FHDC1: variants seen among roughly 807,000 people sequenced by gnomAD.
FHDC1 encodes FH2 domain containing 1, also known as FH2 domain-containing protein 1.
FHDC1 carries 25 observed loss-of-function variants against 52.6 expected under a neutral mutation model. That is an observed-to-expected ratio of 0.48 (90% CI 0.35 to 0.66). The LOEUF (loss-of-function observed/expected upper bound fraction) is 0.66, where lower values mean the gene tolerates loss of function less well. Ranked by LOEUF, FHDC1 falls within the 30% of genes least tolerant of loss-of-function variation. FHDC1 has a pLI of 0.01. For missense variants in FHDC1, 1,459 were observed against 1,452.8 expected (o/e 1.00, Z -0.07); for synonymous variants, 616 against 581.5 (o/e 1.06, Z -0.85).
At chr4:152,962,981 G>A (rs1740328807) in intron 7 of FHDC1, 42 bp from the exon 8 acceptor site, 3 of 1,437,578 alleles carry the variant, frequency 2.1e-6, no homozygotes, top group Non-Finnish European at 1.9e-6. Flanking sequence ...GTGTGTGTGT[G>A]TATGTATACA....
chr4:152,960,594 C>G lies in FHDC1; in HGVS notation c.693C>G (p.Asp231Glu). Residue 231 changes from aspartate (D) to glutamate (E), a missense_variant, in exon 5 of 12, where the codon GAC becomes GAG. Physicochemically the swap from Asp to Glu is conservative, Grantham distance 45. This residue lies in a region of FHDC1 where 513 missense variants were observed against 581.5 expected (regional missense o/e 0.88). Transcript: ENST00000511601. ...EVKKLKAFSGDVSKLSLADSF... is the reference protein window; with the variant it reads ...EVKKLKAFSGEVSKLSLADSF... ...AGAAGTTAAAAGCGTTTAGTGGCGA[C>G]GTGTCGAAGCTGTCTCTGGCAGATT... 6.2e-7 allele frequency: 1 copy of G among 1,614,076 alleles called. No homozygotes were observed. The highest frequency in any genetic ancestry group is 8.5e-7 in the Non-Finnish European group (1 of 1,180,012).
the FHDC1 span, among the ~76,000 whole-genome samples, chr4:152,920,965 C>G: frequency 6.6e-6 from 1 of 151,918 alleles, no homozygotes; most frequent in African/African-American, 2.4e-5. Context: ...ATGACTTACA[C>G]AGACCATTCA....
chr4:152,920,197 T>C, the FHDC1 span, among the ~76,000 whole-genome samples: 5 of 152,072 alleles, frequency 3.3e-5, no homozygotes, highest in Admixed American at 2.0e-4. Flanking sequence ...TCCACCCCCA[T>C]TGGCCTCCCA....
chr4:152,921,582 C>G, the FHDC1 span, among the ~76,000 whole-genome samples: 1 of 141,384 alleles, frequency 7.1e-6, no homozygotes, highest in Non-Finnish European at 1.6e-5. Context: ...TCCTTCCTTC[C>G]TTCCTCCCTC....
At position 152,963,128 on chromosome 4, in the gene FHDC1, C is replaced by T. The variant is rs1284961989; in HGVS notation, c.1027C>T (p.Gln343Ter). 3.1e-6 allele frequency: 5 copies of T among 1,613,358 alleles called. No individual in the cohort carries two copies. The highest frequency in any genetic ancestry group is 2.2e-5 in the East Asian group (1 of 44,882). ...GATGAATCTCCTGCACTTTGTTGCA[C>T]AGGTATGTGGAAATGATTAGGACTT... is the stretch of plus-strand genomic sequence containing the variant. Reference protein sequence around the residue: ...PGMNLLHFVAQEAQKKDTILL... With the variant: ...PGMNLLHFVA The change falls in exon 8 of 12, where the codon CAG becomes TAG. Residue 343 changes from glutamine to a stop codon, truncating the protein, a stop_gained and splice_region_variant. Transcript: ENST00000511601. LOFTEE classifies it high-confidence loss of function.
At chr4:152,969,547 T>C (rs1208623536) in intron 10 of FHDC1, among the ~76,000 whole-genome samples, 1 of 152,162 alleles carries the variant, frequency 6.6e-6, no homozygotes, top group Non-Finnish European at 1.5e-5. Context: ...TATTACCATC[T>C]CAGTCAATAT....
upstream of FHDC1, among the ~76,000 whole-genome samples, chr4:152,932,182 G>C (rs1434306999): frequency 6.6e-6 from 1 of 151,758 alleles, no homozygotes; most frequent in Non-Finnish European, 1.5e-5. Flanking sequence ...TCAGAAGTTA[G>C]AGACCAGCCT....
At chr4:152,938,156 C>T (rs913517140) in intron 1 of FHDC1, among the ~76,000 whole-genome samples, 1 of 151,928 alleles carries the variant, frequency 6.6e-6, no homozygotes, top group Non-Finnish European at 1.5e-5. Flanking sequence ...GCGCTCCCTT[C>T]CCTCTCTCTA....
chr4:152,974,970 G>T lies in FHDC1; in HGVS notation c.1679G>T (p.Gly560Val). The T allele has an allele frequency of 6.2e-7, 1 of 1,612,450 alleles. No individual in the cohort carries two copies. Among genetic ancestry groups the T allele is most frequent in the Non-Finnish European group, 8.5e-7 (1 of 1,179,818 alleles). The change falls in exon 12 of 12, where the codon GGC becomes GTC. Residue 560 changes from glycine (G) to valine (V), a missense_variant. Gly to Val is a moderately radical substitution (Grantham distance 109). Transcript: ENST00000511601. Reference sequence around the variant, plus strand: ...CTGACCTTCTTGGAGAGCTCCACCGGCAGCCCTGAGGAGCCCAATAAGTTC... The same window carrying T: ...CTGACCTTCTTGGAGAGCTCCACCGTCAGCCCTGAGGAGCCCAATAAGTTC... The part of the protein sequence containing the change: ...ELLTFLESST[G>V]SPEEPNKFHS...
chr4:152,975,528 C>G lies in FHDC1; in HGVS notation c.2237C>G (p.Pro746Arg). Residue 746 changes from proline (P) to arginine (R), a missense_variant, in exon 12 of 12, where the codon CCC (proline) becomes CGC (arginine). Physicochemically the swap from Pro to Arg is moderately radical, Grantham distance 103. Transcript: ENST00000511601. ...SPALEDGKAA[P>R]DEPGSAALGS... ...GCGCTGGAGGATGGCAAGGCTGCCC[C>G]CGATGAGCCTGGAAGTGCAGCTTTG... 6.2e-7 allele frequency: 1 copy of G among 1,613,582 alleles called. No homozygotes were observed.
rs1454284148 is a variant in FHDC1 at position 152,978,590 on chromosome 4, A to G, written c.*1867A>G. The G allele has an allele frequency of 6.6e-6, 1 of 150,978 alleles. No individual in the cohort carries two copies. Among genetic ancestry groups the G allele is most frequent in the Non-Finnish European group, 1.5e-5 (1 of 67,758 alleles). 9.4% of individuals were successfully genotyped at this position (150,978 alleles called of 1,614,324 possible). A position where few individuals can be genotyped will look rare whatever the true frequency, so the allele number is the denominator to read the frequency against. ...TTTTCTACCCAATGCCCATTTCACG[A>G]CTCCTCTGAGACTAATTGGGAAACG... On this transcript the variant is annotated 3_prime_UTR_variant, in exon 12 of 12. Coordinates refer to ENST00000511601, the MANE Select transcript of FHDC1 (RefSeq NM_001371116.1).
chr4:152,961,156 A>T (rs889880612), intron 6 of FHDC1, among the ~76,000 whole-genome samples: 12 of 152,084 alleles, frequency 7.9e-5, no homozygotes, highest in Non-Finnish European at 2.9e-5. Context: ...GTATGTTGGT[A>T]TGTGGTGTGT....
chr4:152,914,614 A>C, the FHDC1 span, among the ~76,000 whole-genome samples: 4 of 152,234 alleles, frequency 2.6e-5, no homozygotes, highest in Admixed American at 1.3e-4. Context: ...CTTTGCCATA[A>C]ACTCTGTCAA....
At chr4:152,960,524 T>C in intron 4 of FHDC1, 41 bp from the exon 5 acceptor site, 1 of 1,467,328 alleles carries the variant, frequency 6.8e-7, no homozygotes, top group Non-Finnish European at 9.5e-7. Context: ...ATTGTATTCG[T>C]AAGTGATTTT....
In FHDC1 at chr4:152,978,104, T is replaced by A. The variant is rs1005490541; in HGVS notation, c.*1381T>A. Reference sequence around the variant, plus strand: ...GGCAGCCCCTGGTAGAATGCTGGATTTCTCTGGAATCTAGAAGTGCCATAT... The same window carrying A: ...GGCAGCCCCTGGTAGAATGCTGGATATCTCTGGAATCTAGAAGTGCCATAT... On this transcript the variant is annotated 3_prime_UTR_variant, in exon 12 of 12. Coordinates refer to ENST00000511601, the MANE Select transcript of FHDC1 (RefSeq NM_001371116.1). 1 of 152,212 alleles carries A rather than the reference T, an allele frequency of 6.6e-6. No individual in the cohort carries two copies. Among genetic ancestry groups the A allele is most frequent in the Non-Finnish European group, 1.5e-5 (1 of 68,056 alleles). 9.4% of individuals were successfully genotyped at this position (152,212 alleles called of 1,614,324 possible). A position where few individuals can be genotyped will look rare whatever the true frequency, so the allele number is the denominator to read the frequency against.
chr4:152,970,299 A>G (rs1740604009), intron 10 of FHDC1, among the ~76,000 whole-genome samples: 2 of 152,240 alleles, frequency 1.3e-5, no homozygotes, highest in African/African-American at 4.8e-5. Context: ...CTTGGACACT[A>G]CAGCTGCTAA....
Position 152,960,807 on chromosome 4 carries a change from A to G in FHDC1, c.813A>G (p.Leu271=), listed in dbSNP as rs553614897. ...AATTTCTACCTTCTTGCTCTTCTCTATATACAGATATAACAGTTTTAAGAA... is the reference window on the plus strand; with the variant it reads ...AATTTCTACCTTCTTGCTCTTCTCTGTATACAGATATAACAGTTTTAAGAA... ...KKEFLPSCSS[L]YTDITVLRTA... Residue 271 remains leucine, a synonymous_variant, in exon 6 of 12, where the codon CTA becomes CTG. Coordinates refer to ENST00000511601, the MANE Select transcript of FHDC1 (RefSeq NM_001371116.1). 4 of 1,610,880 alleles carry G rather than the reference A, an allele frequency of 2.5e-6. No individual in the cohort carries two copies. The highest frequency in any genetic ancestry group is 2.2e-5 in the East Asian group (1 of 44,848).
At chr4:152,927,740 C>G in the FHDC1 span, 4 of 1,439,106 alleles carry the variant, frequency 2.8e-6, no homozygotes, top group East Asian at 9.1e-5. Flanking sequence ...ACAGCAGGAA[C>G]TAATAGAAAA....
Position 152,943,354 on chromosome 4 carries a change from C to CT in FHDC1, c.304dup (p.Trp102LeufsTer29), listed in dbSNP as rs935880725. 6 of 1,611,068 alleles carry CT rather than the reference C, an allele frequency of 3.7e-6. No individual in the cohort carries two copies. Among genetic ancestry groups the CT allele is most frequent in the African/African-American group, 2.7e-5 (2 of 74,018 alleles). On this transcript the variant is annotated frameshift_variant, in exon 2 of 12. Transcript: ENST00000511601. LOFTEE classifies it high-confidence loss of function. ...TTGGTAAGAAAAAGCGGATGAGAAGCTTTTTTTGGAAAACTATTCCGGAGG... is the reference window on the plus strand; with the variant it reads ...TTGGTAAGAAAAAGCGGATGAGAAGCTTTTTTTTGGAAAACTATTCCGGAGG...
Sources: gnomAD v4.1 joint callset for allele counts (sites outside exome capture counted in the v4.1 genomes callset) on GRCh38, gnomAD v4.1.1 for gene constraint, gnomAD v4.1.1 regional missense constraint, MANE v1.5 for transcripts, NCBI Gene and HGNC (gene_info 2026-07-23, HGNC 2026-07-21) for gene names.